The following CMSS1 variants were observed in gnomAD, a reference collection of about 807,000 sequenced individuals.
CMSS1 encodes cms1 ribosomal small subunit homolog.
In CMSS1, 33 loss-of-function variants were observed where a neutral mutation model predicts 43.5. The observed-to-expected ratio is 0.76, with a 90% confidence interval of 0.57 to 1.01. The LOEUF is 1.01. Ranked by LOEUF, CMSS1 falls within the 50% of genes least tolerant of loss-of-function variation. CMSS1 has a pLI of 0.00. For synonymous variants in CMSS1, 115 were observed against 117.2 expected (o/e 0.98, Z 0.12); for missense variants, 313 against 326.4 (o/e 0.96, Z 0.32).
At chr3:99,942,605 G>T (rs1707883176) in intron 1 of CMSS1, among the ~76,000 whole-genome samples, 1 of 152,336 alleles carries the variant, frequency 6.6e-6, no homozygotes, top group East Asian at 1.9e-4. Context: ...ACCGAGGCGG[G>T]CGGATCACCT....
intron 1 of CMSS1, among the ~76,000 whole-genome samples, chr3:100,015,463 T>C (rs1328501862): frequency 6.6e-6 from 1 of 152,230 alleles, no homozygotes; most frequent in African/African-American, 2.4e-5. Context: ...ATCTACAAAT[T>C]GCTGTGGGTG....
intron 1 of CMSS1, among the ~76,000 whole-genome samples, chr3:99,927,901 G>C (rs1489054964): frequency 6.6e-6 from 1 of 152,050 alleles, no homozygotes; most frequent in African/African-American, 2.4e-5. Context: ...TCTTAAGTCA[G>C]TGTTCCTGTC....
At chr3:99,830,537 CT>C (rs1410660117) in intron 1 of CMSS1, 1 of 456,670 alleles carries the variant, frequency 2.2e-6, no homozygotes, top group Non-Finnish European at 4.4e-6. Context: ...TAGTGGAAAT[CT>C]TGGTGATGCC....
intron 4 of CMSS1, among the ~76,000 whole-genome samples, chr3:100,164,549 C>T (rs2067050845): frequency 6.6e-6 from 1 of 152,040 alleles, no homozygotes; most frequent in South Asian, 2.1e-4. Flanking sequence ...TTTGAAATAA[C>T]GTTATAACCA....
At chr3:99,919,316 G>A (rs902777453) in intron 1 of CMSS1, among the ~76,000 whole-genome samples, 1 of 151,180 alleles carries the variant, frequency 6.6e-6, no homozygotes, top group Admixed American at 6.6e-5. Context: ...AGAAGAATCA[G>A]TATCAGGTCT....
intron 1 of CMSS1, among the ~76,000 whole-genome samples, chr3:99,832,317 G>GCCT (rs2107486274): frequency 6.9e-6 from 1 of 145,728 alleles, no homozygotes; most frequent in South Asian, 2.1e-4. Flanking sequence ...TGCAAGCTCC[G>GCCT]CCTCCCGGGC....
At chr3:99,848,491 A>G in intron 1 of CMSS1, 4 of 1,614,060 alleles carry the variant, frequency 2.5e-6, no homozygotes, top group Non-Finnish European at 3.4e-6. Flanking sequence ...GTGAATGTGG[A>G]TTTTATTATC....
At chr3:99,924,528 GT>G in intron 1 of CMSS1, 2 of 1,060,562 alleles carry the variant, frequency 1.9e-6, no homozygotes, top group Non-Finnish European at 2.8e-6. Flanking sequence ...TTTTTTGTTT[GT>G]TTGTTTTGAA....
At chr3:100,074,200 C>T (rs1283973336) in intron 1 of CMSS1, among the ~76,000 whole-genome samples, 1 of 152,114 alleles carries the variant, frequency 6.6e-6, no homozygotes, top group Non-Finnish European at 1.5e-5. Flanking sequence ...CAGTGGAGTC[C>T]GAGAGCTCTA....
intron 1 of CMSS1, among the ~76,000 whole-genome samples, chr3:99,963,622 T>C (rs1489646082): frequency 6.6e-6 from 1 of 150,644 alleles, no homozygotes; most frequent in Non-Finnish European, 1.5e-5. Flanking sequence ...TTTTTTTTTC[T>C]TTTTTTTTAG....
intron 1 of CMSS1, among the ~76,000 whole-genome samples, chr3:100,065,258 T>C (rs2065644164): frequency 6.6e-6 from 1 of 152,200 alleles, no homozygotes; most frequent in African/African-American, 2.4e-5. Context: ...TCCTATGTTT[T>C]AACGAGAATA....
chr3:100,051,899 TTTA>T (rs1471712108), intron 1 of CMSS1, among the ~76,000 whole-genome samples: 1 of 148,636 alleles, frequency 6.7e-6, no homozygotes, highest in African/African-American at 2.4e-5. Context: ...ATGTCATATA[TTTA>T]TTAATATGTG....
chr3:100,012,192 A>T (rs1455436689), intron 1 of CMSS1, among the ~76,000 whole-genome samples: 1 of 152,200 alleles, frequency 6.6e-6, no homozygotes, highest in African/African-American at 2.4e-5. Context: ...TGTCTTTTAT[A>T]TTCCAAAAGG....
intron 1 of CMSS1, chr3:99,848,517 A>G: frequency 6.2e-7 from 1 of 1,614,192 alleles, no homozygotes; most frequent in Non-Finnish European, 8.5e-7. Flanking sequence ...TAGTTATCAC[A>G]CTTGAGCTAT....
intron 1 of CMSS1, among the ~76,000 whole-genome samples, chr3:100,055,713 A>G (rs2065453328): frequency 6.6e-6 from 1 of 152,202 alleles, no homozygotes; most frequent in Non-Finnish European, 1.5e-5. Flanking sequence ...CATTCTTGAG[A>G]GGAGAGTAAT....
At chr3:99,829,015 C>G (rs938866880) in intron 1 of CMSS1, among the ~76,000 whole-genome samples, 2 of 152,008 alleles carry the variant, frequency 1.3e-5, no homozygotes, top group Middle Eastern at 3.2e-3. Flanking sequence ...CTTGAAATTG[C>G]AGGGGCCTGG....
chr3:99,820,032 C>T (rs1423933703), intron 1 of CMSS1, among the ~76,000 whole-genome samples: 2 of 151,440 alleles, frequency 1.3e-5, no homozygotes, highest in South Asian at 2.1e-4. Flanking sequence ...GGATTACAGG[C>T]GTGAGCCACC....
intron 7 of CMSS1, 94 bp from the exon 8 acceptor site, chr3:100,172,222 C>T: frequency 8.8e-7 from 1 of 1,141,322 alleles, no homozygotes. Flanking sequence ...TTGTATTTCA[C>T]TTTCTTAACT....
intron 1 of CMSS1, among the ~76,000 whole-genome samples, chr3:99,996,865 T>C (rs1006335241): frequency 6.6e-6 from 1 of 151,158 alleles, no homozygotes; most frequent in African/African-American, 2.4e-5. Flanking sequence ...CAATTCAAGA[T>C]GAGATTTGGG....
Sources: gnomAD v4.1 joint callset for allele counts (sites outside exome capture counted in the v4.1 genomes callset) on GRCh38, gnomAD v4.1.1 for gene constraint, MANE v1.5 for transcripts, NCBI Gene and HGNC (gene_info 2026-07-23, HGNC 2026-07-21) for gene names.